The following KCNJ6 variants were observed in gnomAD, a reference collection of about 807,000 sequenced individuals.
KCNJ6 encodes G protein-activated inward rectifier potassium channel 2.
Under a neutral mutation model 34.2 loss-of-function variants are expected in KCNJ6, and 9 were observed. That is an observed-to-expected ratio of 0.26 (90% confidence interval 0.16 to 0.46). KCNJ6 has a LOEUF of 0.46. Among genes scored for constraint, KCNJ6 ranks in the 20% least tolerant of loss-of-function variants. The pLI is 1.00. For synonymous variants in KCNJ6, 196 were observed against 207.1 expected, an observed-to-expected ratio of 0.95 and a Z score of 0.46; for missense variants, 236 against 531.3, an observed-to-expected ratio of 0.44 and a Z score of 5.46.
At chr21:37,809,217 C>T (rs950115415) in intron 2 of KCNJ6, among the ~76,000 whole-genome samples, 4 of 152,126 alleles carry the variant, frequency 2.6e-5, no homozygotes, top group Admixed American at 2.0e-4. Context: ...GAGTTCATGT[C>T]CTTTGTAGGG....
chr21:37,737,511 T>C (rs2054919272), intron 2 of KCNJ6, among the ~76,000 whole-genome samples: 1 of 152,246 alleles, frequency 6.6e-6, no homozygotes. Flanking sequence ...GGAAAAGTTT[T>C]CCTAGCAATA....
In KCNJ6 at chr21:37,711,422, T is replaced by A. The variant is rs187125117; in HGVS notation, c.946+2789A>T. 1.5e-3 allele frequency among the ~76,000 whole-genome samples: 227 copies of A among 152,206 alleles called. 1 individual carries two copies. Among genetic ancestry groups the A allele is most frequent in the African/African-American group, 4.9e-3 (203 of 41,496 alleles). ...GTGGAGACCACTGAGCACAGCAGGT[T>A]AAGGTCAACTGCGACATTGTTGAAA... On this transcript the variant is annotated intron_variant, in intron 3 of 3. Coordinates refer to ENST00000609713, the MANE Select transcript of KCNJ6 (RefSeq NM_002240.5).
intron 2 of KCNJ6, among the ~76,000 whole-genome samples, chr21:37,778,644 C>G (rs1048092730): frequency 6.6e-6 from 1 of 151,978 alleles, no homozygotes; most frequent in African/African-American, 2.4e-5. Flanking sequence ...ACTTTCAGGT[C>G]CCTGGACTCT....
chr21:37,763,015 T>G (rs2055073340), intron 2 of KCNJ6, among the ~76,000 whole-genome samples: 1 of 152,200 alleles, frequency 6.6e-6, no homozygotes, highest in African/African-American at 2.4e-5. Flanking sequence ...AAAACAGGGC[T>G]GTCTAAATGA....
chr21:37,723,481 G>A (rs1251489505), intron 2 of KCNJ6, among the ~76,000 whole-genome samples: 2 of 152,080 alleles, frequency 1.3e-5, no homozygotes, highest in East Asian at 1.9e-4. Context: ...TATGTTCATC[G>A]CAGCATTATT....
intron 3 of KCNJ6, among the ~76,000 whole-genome samples, chr21:37,664,867 G>A (rs777791680): frequency 1.2e-4 from 18 of 145,712 alleles, no homozygotes; most frequent in South Asian, 2.2e-4. Context: ...CGCAATCTTG[G>A]CTCACTGCAA....
intron 2 of KCNJ6, among the ~76,000 whole-genome samples, chr21:37,745,584 G>C (rs936042545): frequency 6.6e-6 from 1 of 152,166 alleles, no homozygotes; most frequent in East Asian, 1.9e-4. Context: ...ACTCCTGTTG[G>C]ACTTCTGACC....
intron 3 of KCNJ6, among the ~76,000 whole-genome samples, chr21:37,672,414 G>C (rs144168453): frequency 2.2e-4 from 33 of 152,040 alleles, no homozygotes; most frequent in African/African-American, 8.0e-4. Context: ...GAAAGCAGGA[G>C]ACCTGGAGAA....
At chr21:37,818,909 G>A (rs745372042) in intron 2 of KCNJ6, among the ~76,000 whole-genome samples, 36 of 152,100 alleles carry the variant, frequency 2.4e-4, no homozygotes, top group Non-Finnish European at 8.8e-5. Flanking sequence ...TTGGATATTA[G>A]ACTTCCAAGG....
rs1011234131 is a variant in KCNJ6, at chr21:37,624,434, A to T, written c.*725T>A. ...ATAACCTGGAAAACACAGACATCAAAACAGAAATGCCTACTGCATGTTAGG... is the reference window on the plus strand; with the variant it reads ...ATAACCTGGAAAACACAGACATCAATACAGAAATGCCTACTGCATGTTAGG... On this transcript the variant is annotated 3_prime_UTR_variant, in exon 4 of 4. Transcript: ENST00000609713. 6.6e-6 allele frequency: 1 copy of T among 152,160 alleles called. No individual in the cohort carries two copies. Among genetic ancestry groups the T allele is most frequent in the African/African-American group, 2.4e-5 (1 of 41,432 alleles). 9.4% of individuals were successfully genotyped at this position (152,160 alleles called of 1,614,324 possible).
intron 1 of KCNJ6, among the ~76,000 whole-genome samples, chr21:37,846,062 A>G (rs1292695719): frequency 6.6e-6 from 1 of 152,206 alleles, no homozygotes; most frequent in Non-Finnish European, 1.5e-5. Flanking sequence ...TTTAAATCAT[A>G]AACTCCTCGG....
chr21:37,637,389 G>A (rs1248615201), intron 3 of KCNJ6, among the ~76,000 whole-genome samples: 2 of 152,232 alleles, frequency 1.3e-5, no homozygotes, highest in Admixed American at 1.3e-4. Flanking sequence ...ACAAATGGAA[G>A]TGTGGATTTT....
intron 3 of KCNJ6, among the ~76,000 whole-genome samples, chr21:37,677,463 G>A (rs926170823): frequency 1.3e-5 from 2 of 152,064 alleles, no homozygotes; most frequent in Admixed American, 6.6e-5. Flanking sequence ...AAATACTAAC[G>A]AGTGCTTTTA....
intron 3 of KCNJ6, among the ~76,000 whole-genome samples, chr21:37,650,198 G>A (rs560333103): frequency 5.6e-4 from 86 of 152,242 alleles, no homozygotes; most frequent in African/African-American, 1.8e-3. Context: ...AGCGTCTGGC[G>A]CCAGTTCCCT....
intron 3 of KCNJ6, among the ~76,000 whole-genome samples, chr21:37,671,496 A>C (rs925638926): frequency 4.0e-5 from 6 of 151,504 alleles, no homozygotes; most frequent in Non-Finnish European, 8.9e-5. Flanking sequence ...GGTAGGTGTA[A>C]GTAGAGTGGT....
Position 37,607,482 on chromosome 21 carries a change from A to ATATATATATATATTTT in KCNJ6, c.*17676_*17677insAAAATATATATATATA. 0.012 allele frequency: 1,690 copies of ATATATATATATATTTT among 136,432 alleles called. 11 individuals are homozygous for ATATATATATATATTTT. The highest frequency in any genetic ancestry group is 0.026 in the South Asian group (107 of 4,136). 8.5% of individuals were successfully genotyped at this position (136,432 alleles called of 1,614,324 possible). A position where few individuals can be genotyped will look rare whatever the true frequency, so the allele number is the denominator to read the frequency against. On this transcript the variant is annotated 3_prime_UTR_variant, in exon 4 of 4. Transcript: ENST00000609713. ...CTTAAAGATATATATATATATATAT[A>ATATATATATATATTTT]TTTTTTTTTTATTTTAAAAAAATTT...
intron 2 of KCNJ6, among the ~76,000 whole-genome samples, chr21:37,733,015 CTG>C (rs1196101855): frequency 6.6e-6 from 1 of 152,172 alleles, no homozygotes; most frequent in Non-Finnish European, 1.5e-5. Flanking sequence ...TACAAGAAAA[CTG>C]TTATTTCTCT....
intron 3 of KCNJ6, among the ~76,000 whole-genome samples, chr21:37,627,105 G>A (rs960321945): frequency 6.6e-6 from 1 of 152,166 alleles, no homozygotes; most frequent in African/African-American, 2.4e-5. Flanking sequence ...AGGATCCAGA[G>A]CTACACAACA....
intron 1 of KCNJ6, among the ~76,000 whole-genome samples, chr21:37,890,967 C>T (rs1466199521): frequency 6.6e-6 from 1 of 152,134 alleles, no homozygotes. Flanking sequence ...TAAAATATTG[C>T]GCATTGAAAG....
Sources: gnomAD v4.1 joint callset for allele counts (sites outside exome capture counted in the v4.1 genomes callset) on GRCh38, gnomAD v4.1.1 for gene constraint, MANE v1.5 for transcripts, NCBI Gene and HGNC (gene_info 2026-07-23, HGNC 2026-07-21) for gene names.